MSH3: variants seen among roughly 807,000 people sequenced by gnomAD.
MSH3 encodes DNA mismatch repair protein Msh3.
MSH3 carries 106 observed loss-of-function variants against 123.3 expected under a neutral mutation model. The observed-to-expected ratio is 0.86, with a 90% CI of 0.73 to 1.01. The LOEUF (loss-of-function observed/expected upper bound fraction) is 1.01, where lower values mean the gene tolerates loss of function less well. Ranked by LOEUF, MSH3 falls within the 50% of genes least tolerant of loss-of-function variation. The pLI is 0.00. For synonymous variants in MSH3, 515 were observed against 481.4 expected (o/e 1.07, Z -0.91); for missense variants, 1,459 against 1,347.6 (o/e 1.08, Z -1.29).
At chr5:80,675,833 A>G (rs1749826931) in intron 7 of MSH3, among the ~76,000 whole-genome samples, 2 of 152,234 alleles carry the variant, frequency 1.3e-5, no homozygotes, top group South Asian at 4.1e-4. Flanking sequence ...CAACACAAGC[A>G]TGGTGGCAAA....
At chr5:80,728,111 C>T (rs1743337120) in intron 9 of MSH3, among the ~76,000 whole-genome samples, 1 of 152,116 alleles carries the variant, frequency 6.6e-6, no homozygotes, top group Non-Finnish European at 1.5e-5. Context: ...AGTATAGGGT[C>T]ACTTTAAGGG....
At chr5:80,748,695 C>T (rs888680689) in intron 12 of MSH3, among the ~76,000 whole-genome samples, 10 of 2,024 alleles carry the variant, frequency 4.9e-3, no homozygotes, top group Middle Eastern at 0.33. Flanking sequence ...TTTATTTACA[C>T]ACACACACAC....
chr5:80,804,583 T>C (rs574568801), intron 19 of MSH3, among the ~76,000 whole-genome samples: 1 of 152,340 alleles, frequency 6.6e-6, no homozygotes, highest in South Asian at 2.1e-4. Context: ...ATTCCCTGGA[T>C]TTCTAGGCAG....
chr5:80,720,295 A>G (rs1345674058), intron 8 of MSH3, among the ~76,000 whole-genome samples: 1 of 152,128 alleles, frequency 6.6e-6, no homozygotes, highest in African/African-American at 2.4e-5. Context: ...TTAAATATAC[A>G]GTGTCAAGTG....
intron 12 of MSH3, among the ~76,000 whole-genome samples, chr5:80,761,225 A>G (rs1561468878): frequency 6.6e-6 from 1 of 152,226 alleles, no homozygotes; most frequent in Non-Finnish European, 1.5e-5. Flanking sequence ...CCAACAAGAC[A>G]GAACGAGAAT....
At chr5:80,859,600 T>G (rs890201765) in intron 21 of MSH3, among the ~76,000 whole-genome samples, 2 of 152,180 alleles carry the variant, frequency 1.3e-5, no homozygotes, top group African/African-American at 4.8e-5. Context: ...TATTTACCAT[T>G]TTTTACTTTT....
chr5:80,712,102 C>T (rs917968647), intron 8 of MSH3, among the ~76,000 whole-genome samples: 3 of 152,162 alleles, frequency 2.0e-5, no homozygotes, highest in Admixed American at 6.5e-5. Flanking sequence ...GCTCTTTCCT[C>T]TCCTCCTGTG....
chr5:80,734,712 C>T (rs538962545), intron 10 of MSH3, among the ~76,000 whole-genome samples: 13 of 152,230 alleles, frequency 8.5e-5, no homozygotes, highest in Non-Finnish European at 1.0e-4. Flanking sequence ...GGTCCCTAAA[C>T]GCCTTTGAGG....
intron 19 of MSH3, among the ~76,000 whole-genome samples, chr5:80,808,774 T>G (rs1185332742): frequency 1.3e-5 from 2 of 150,056 alleles, no homozygotes; most frequent in Non-Finnish European, 3.0e-5. Context: ...TTCTGTGTAG[T>G]TCAATATAAA....
chr5:80,682,935 C>G (rs1367575028), intron 8 of MSH3, among the ~76,000 whole-genome samples: 1 of 152,148 alleles, frequency 6.6e-6, no homozygotes, highest in East Asian at 1.9e-4. Context: ...TTAGCTCCCA[C>G]AAGTAGGTGA....
In MSH3 at chr5:80,875,828, A is replaced by G; in HGVS notation, c.3380A>G (p.Asn1127Ser). Residue 1127 changes from asparagine to serine, a missense_variant, in exon 24 of 24, where the codon AAC becomes AGC. Asn to Ser is a conservative substitution (Grantham distance 46, BLOSUM62 1). Transcript: ENST00000265081. ...CTGCAGAAGTGGACAGAGGAGTTCA[A>G]CATGGAAGAAACACAGACTTCTCTT... is the stretch of plus-strand genomic sequence containing the variant. ...QDLQKWTEEF[N>S]MEETQTSLLH The G allele has an allele frequency of 6.2e-7, 1 of 1,613,008 alleles. No individual in the cohort carries two copies. The highest frequency in any genetic ancestry group is 8.5e-7 in the Non-Finnish European group (1 of 1,178,968).
At chr5:80,867,108 T>G (rs1378773417) in intron 22 of MSH3, among the ~76,000 whole-genome samples, 1 of 152,190 alleles carries the variant, frequency 6.6e-6, no homozygotes, top group Non-Finnish European at 1.5e-5. Context: ...AGGAGTTCCC[T>G]TACCCCTCTT....
chr5:80,684,897 T>G (rs927714028), intron 8 of MSH3, among the ~76,000 whole-genome samples: 2 of 152,166 alleles, frequency 1.3e-5, no homozygotes, highest in Non-Finnish European at 2.9e-5. Flanking sequence ...ATCAAATCCT[T>G]TTTCAGCATC....
intron 7 of MSH3, 30 bp downstream of exon 7, chr5:80,675,158 T>C (rs753475310): frequency 6.2e-7 from 1 of 1,610,588 alleles, no homozygotes; most frequent in African/African-American, 1.3e-5. Flanking sequence ...GGAACAAATG[T>C]TAGATGTTCA....
At chr5:80,836,638 A>G (rs1007814449) in intron 20 of MSH3, among the ~76,000 whole-genome samples, 9 of 151,534 alleles carry the variant, frequency 5.9e-5, no homozygotes, top group African/African-American at 2.2e-4. Context: ...AAATCTGCAG[A>G]TGATCACATC....
intron 12 of MSH3, 71 bp downstream of exon 12, chr5:80,744,686 C>G: frequency 9.4e-7 from 1 of 1,069,046 alleles, no homozygotes; most frequent in Non-Finnish European, 1.4e-6. Context: ...ATTTTAAAAC[C>G]AAGGTTACCA....
At chr5:80,768,417 G>A (rs941904530) in intron 14 of MSH3, among the ~76,000 whole-genome samples, 1 of 152,056 alleles carries the variant, frequency 6.6e-6, no homozygotes, top group African/African-American at 2.4e-5. Flanking sequence ...CCCAAAATGA[G>A]TGTCAGATAT....
At chr5:80,813,880 G>C in intron 20 of MSH3, 139 bp downstream of exon 20, 1 of 971,430 alleles carries the variant, frequency 1.0e-6, no homozygotes, top group East Asian at 2.6e-5. Flanking sequence ...TTATTTCAAG[G>C]CCGGGCACGG....
chr5:80,662,142 A>C (rs1183712480), intron 2 of MSH3, among the ~76,000 whole-genome samples: 1 of 152,248 alleles, frequency 6.6e-6, no homozygotes, highest in Non-Finnish European at 1.5e-5. Context: ...AAATATGTTT[A>C]GATACACAGA....
Sources: allele counts gnomAD v4.1 joint callset (sites outside exome capture counted in the v4.1 genomes callset), GRCh38; gene constraint gnomAD v4.1.1; transcripts MANE v1.5; gene names NCBI Gene and HGNC (gene_info 2026-07-23, HGNC 2026-07-21).